Variants in DRAXIN observed in about 807,000 individuals in gnomAD.
DRAXIN encodes the protein dorsal inhibitory axon guidance protein.
A neutral mutation model predicts 33.9 loss-of-function variants in DRAXIN; 27 were observed. The observed-to-expected ratio is 0.80, with a 90% CI of 0.59 to 1.10. The LOEUF (loss-of-function observed/expected upper bound fraction) is 1.10, where lower values mean the gene tolerates loss of function less well. Ranked by LOEUF, DRAXIN falls within the 50% of genes least tolerant of loss-of-function variation. The pLI, the probability that DRAXIN is intolerant of heterozygous loss-of-function variation, is 0.00. For synonymous variants in DRAXIN, 178 were observed against 194.0 expected (o/e 0.92, Z 0.69); for missense variants, 371 against 460.8 (o/e 0.81, Z 1.78).
chr1:11,700,489 C>T (rs1367348214), intron 1 of DRAXIN, among the ~76,000 whole-genome samples: 5 of 152,176 alleles, frequency 3.3e-5, no homozygotes, highest in African/African-American at 1.2e-4. Flanking sequence ...ATGATGGGGC[C>T]GTGCCCATGT....
chr1:11,713,010 C>T (rs1373391918), intron 5 of DRAXIN, among the ~76,000 whole-genome samples: 1 of 151,826 alleles, frequency 6.6e-6, no homozygotes, highest in East Asian at 1.9e-4. Context: ...CCAGCCTAAC[C>T]AACATGGTGA....
chr1:11,707,175 T>G (rs891180360), intron 2 of DRAXIN, among the ~76,000 whole-genome samples: 3 of 152,192 alleles, frequency 2.0e-5, no homozygotes, highest in Non-Finnish European at 2.9e-5. Flanking sequence ...CACTCCAGCC[T>G]GGGTGACAGA....
At chr1:11,716,028 C>T (rs933312967) in intron 6 of DRAXIN, among the ~76,000 whole-genome samples, 8 of 152,128 alleles carry the variant, frequency 5.3e-5, no homozygotes, top group African/African-American at 1.9e-4. Context: ...TGCCACCAGC[C>T]CAGCTAATTT....
At chr1:11,700,619 A>C (rs1029936166) in intron 1 of DRAXIN, among the ~76,000 whole-genome samples, 1 of 152,266 alleles carries the variant, frequency 6.6e-6, no homozygotes, top group African/African-American at 2.4e-5. Context: ...AACCCCTGAA[A>C]CATTCCTGCC....
chr1:11,708,905 C>G (rs1641431568), intron 2 of DRAXIN, among the ~76,000 whole-genome samples: 1 of 152,200 alleles, frequency 6.6e-6, no homozygotes, highest in Non-Finnish European at 1.5e-5. Context: ...CATGACATTT[C>G]TCCCTACTCA....
chr1:11,697,112 CTG>C (rs1227323771), intron 1 of DRAXIN, among the ~76,000 whole-genome samples: 1 of 151,614 alleles, frequency 6.6e-6, no homozygotes, highest in African/African-American at 2.4e-5. Flanking sequence ...AGAGAGGAAA[CTG>C]GGGCCCAGAG....
At position 11,705,066 on chromosome 1, in the gene DRAXIN, G is replaced by A. The variant is rs544952629; in HGVS notation, c.-10-1183G>A. Among the ~76,000 whole-genome samples, 4 of 152,332 alleles carry A rather than the reference G, an allele frequency of 2.6e-5. No homozygotes were observed. The highest frequency in any genetic ancestry group is 3.4e-3 in the Middle Eastern group (1 of 294). Reference sequence around the variant, plus strand: ...CAGCATGGGGGCCGCAGGGAGAGGCGCCGGGAAGCAGGGAAACATCACAGG... The same window carrying A: ...CAGCATGGGGGCCGCAGGGAGAGGCACCGGGAAGCAGGGAAACATCACAGG... On this transcript the variant is annotated intron_variant, in intron 1 of 6. Transcript: ENST00000294485. This position sits in a 1 kb window ranked among gnomAD's most constrained non-coding sequence, Gnocchi z 4.8.
intron 2 of DRAXIN, 51 bp from the exon 3 acceptor site, chr1:11,709,224 C>T: frequency 6.5e-7 from 1 of 1,537,600 alleles, no homozygotes; most frequent in Non-Finnish European, 8.8e-7. Flanking sequence ...TGTAGACTGC[C>T]ACGAGGTGGC....
At position 11,722,363 on chromosome 1, in the gene DRAXIN, C is replaced by T. The variant is rs2100747536; in HGVS notation, c.*2667C>T. ...GAGAACACAGAGGGTCAGGACAAAG[C>T]TAAAATGCCCATAGAACTGCCACTG... On this transcript the variant is annotated 3_prime_UTR_variant, in exon 7 of 7. Coordinates refer to ENST00000294485, the MANE Select transcript of DRAXIN (RefSeq NM_198545.4). 1 of 152,324 alleles carries T rather than the reference C, an allele frequency of 6.6e-6. No homozygotes were observed. Among genetic ancestry groups the T allele is most frequent in the South Asian group, 2.1e-4 (1 of 4,822 alleles). 9.4% of individuals were successfully genotyped at this position (152,324 alleles called of 1,614,324 possible).
chr1:11,704,693 A>T lies in DRAXIN; in HGVS notation c.-10-1556A>T, dbSNP rs1006789758. ...AGGGTTGTCACAACAAGCCTGTCCC[A>T]GGGTCCCACGCACGTCACCAAGGCT... On this transcript the variant is annotated intron_variant, in intron 1 of 6. Coordinates refer to ENST00000294485, the MANE Select transcript of DRAXIN (RefSeq NM_198545.4). The surrounding 1 kb of genome is among the most constrained non-coding windows in gnomAD (Gnocchi z 4.6). Among the ~76,000 whole-genome samples, 18 of 152,214 alleles carry T rather than the reference A, an allele frequency of 1.2e-4. No individual in the cohort carries two copies. Among genetic ancestry groups the T allele is most frequent in the African/African-American group, 4.3e-4 (18 of 41,452 alleles).
chr1:11,719,713 G>C lies in DRAXIN; in HGVS notation c.*17G>C, dbSNP rs72638653. ...AACGTCTAGCGGCCCCGCGGGACTG[G>C]GGACTGAGCCCAGGAGGTTTGCACA... is the stretch of plus-strand genomic sequence containing the variant. On this transcript the variant is annotated 3_prime_UTR_variant, in exon 7 of 7. Transcript: ENST00000294485. 1.7e-5 allele frequency: 27 copies of C among 1,608,114 alleles called. No homozygotes were observed. The highest frequency in any genetic ancestry group is 2.3e-5 in the Non-Finnish European group (27 of 1,175,394).
chr1:11,695,682 A>G (rs1280016091), intron 1 of DRAXIN, among the ~76,000 whole-genome samples: 2 of 152,084 alleles, frequency 1.3e-5, no homozygotes, highest in Non-Finnish European at 2.9e-5. Flanking sequence ...CCTAGAACCT[A>G]GAACAGTAGA....
Position 11,722,396 on chromosome 1 carries a change from G to C in DRAXIN, c.*2700G>C, listed in dbSNP as rs555404153. The C allele has an allele frequency of 1.3e-5, 2 of 152,324 alleles. No individual in the cohort carries two copies. The highest frequency in any genetic ancestry group is 2.1e-4 in the South Asian group (1 of 4,822). 9.4% of individuals were successfully genotyped at this position (152,324 alleles called of 1,614,324 possible). A position where few individuals can be genotyped will look rare whatever the true frequency, so the allele number is the denominator to read the frequency against. ...CCCATAGAACTGCCACTGGTTGCCA[G>C]GGTAGTTCCATGGTTGGAAATTCAA... On this transcript the variant is annotated 3_prime_UTR_variant, in exon 7 of 7. Transcript: ENST00000294485.
intron 1 of DRAXIN, among the ~76,000 whole-genome samples, chr1:11,703,100 G>A (rs1027401076): frequency 5.3e-5 from 8 of 152,222 alleles, no homozygotes; most frequent in Admixed American, 2.0e-4. Flanking sequence ...GGCTACCAGC[G>A]CCTATTATGT....
intron 3 of DRAXIN, among the ~76,000 whole-genome samples, chr1:11,711,385 C>A (rs1332985420): frequency 2.0e-5 from 3 of 152,230 alleles, no homozygotes; most frequent in African/African-American, 7.2e-5. Context: ...CCTGGGGCCA[C>A]TGGCCCAGGC....
intron 1 of DRAXIN, among the ~76,000 whole-genome samples, chr1:11,702,351 GACAAC>G (rs1025204316): frequency 1.5e-4 from 20 of 136,288 alleles, no homozygotes; most frequent in African/African-American, 5.8e-4. Flanking sequence ...CACATACACT[GACAAC>G]ACACACACCT....
Position 11,719,752 on chromosome 1 carries a change from G to GT in DRAXIN, c.*59dup, listed in dbSNP as rs1302250026. On this transcript the variant is annotated 3_prime_UTR_variant, in exon 7 of 7. Coordinates refer to ENST00000294485, the MANE Select transcript of DRAXIN (RefSeq NM_198545.4). ...GAGGTTTGCACAAGCCGGGCGATTT[G>GT]TTTGTAACTAGCAGTGGGAGATCAA... The GT allele has an allele frequency of 5.4e-6, 8 of 1,468,702 alleles. No homozygotes were observed. In the African/African-American group the frequency reaches 1.1e-4, roughly 20 times the overall value. 91.0% of individuals were successfully genotyped at this position (1,468,702 alleles called of 1,614,324 possible).
chr1:11,705,326 G>A lies in DRAXIN; in HGVS notation c.-10-923G>A, dbSNP rs1641361897. Among the ~76,000 whole-genome samples the A allele has an allele frequency of 6.6e-6, 1 of 152,144 alleles. No individual in the cohort carries two copies. The highest frequency in any genetic ancestry group is 2.4e-5 in the African/African-American group (1 of 41,434). On this transcript the variant is annotated intron_variant, in intron 1 of 6. Transcript: ENST00000294485. The surrounding 1 kb of genome is among the most constrained non-coding windows in gnomAD (Gnocchi z 4.8). Reference sequence around the variant, plus strand: ...GGCAGGAGGTCTCCAGAGTCTGACAGACGCCCCCACCATCCCCTGAGCTGC... The same window carrying A: ...GGCAGGAGGTCTCCAGAGTCTGACAAACGCCCCCACCATCCCCTGAGCTGC...
Position 11,706,666 on chromosome 1 carries a change from C to A in DRAXIN, c.408C>A (p.Ser136Arg). ...PPGWERTRKR[S>R]REHKRRRDRL... ...GTTGGGAGAGGACCAGGAAACGCAG[C>A]AGGGAGCACAAGAGACGCAGGGACA... The change falls in exon 2 of 7, where the codon AGC becomes AGA. Residue 136 changes from serine (S) to arginine (R), a missense_variant. Physicochemically the swap from Ser to Arg is moderately radical, Grantham distance 110. Transcript: ENST00000294485. This position sits in a 1 kb window ranked among gnomAD's most constrained non-coding sequence, Gnocchi z 5.5. 5 of 1,597,210 alleles carry A rather than the reference C, an allele frequency of 3.1e-6. No individual in the cohort carries two copies. The highest frequency in any genetic ancestry group is 4.2e-6 in the Non-Finnish European group (5 of 1,178,714).
Sources: gnomAD v4.1 joint callset for allele counts (sites outside exome capture counted in the v4.1 genomes callset) on GRCh38, gnomAD v4.1.1 for gene constraint, Gnocchi (gnomAD v3.1) non-coding constraint, MANE v1.5 for transcripts, NCBI Gene and HGNC (gene_info 2026-07-23, HGNC 2026-07-21) for gene names.